CD82: variants seen among roughly 807,000 people sequenced by gnomAD.
The protein encoded by CD82 is CD82 molecule.
A neutral mutation model predicts 37.4 loss-of-function variants in CD82; 36 were observed. The observed-to-expected ratio is 0.96, with a 90% CI of 0.74 to 1.27. CD82 has a LOEUF of 1.27. Among genes scored for constraint, CD82 ranks in the 50% most tolerant of loss-of-function variants. The probability of loss-of-function intolerance (pLI) is 0.00; values close to 1 mark genes in which losing one functional copy is unlikely to be tolerated. For missense variants in CD82, 340 were observed against 347.0 expected, an observed-to-expected ratio of 0.98 and a Z score of 0.16; for synonymous variants, 158 against 137.4, an observed-to-expected ratio of 1.15 and a Z score of -1.05.
intron 2 of CD82, among the ~76,000 whole-genome samples, chr11:44,591,982 G>A (rs1853152061): frequency 1.3e-5 from 2 of 152,036 alleles, no homozygotes; most frequent in South Asian, 4.1e-4. Context: ...CCCACGCCTG[G>A]CTAATTTTGT....
At chr11:44,596,199 G>A (rs4076854) in intron 3 of CD82, among the ~76,000 whole-genome samples, 18,705 of 152,284 alleles carry the variant, frequency 0.12, 2,084 homozygotes, top group East Asian at 0.5. Flanking sequence ...CCAGCTTGGC[G>A]GTCAGGTCTC....
At chr11:44,572,547 C>A (rs1005975927) in intron 1 of CD82, among the ~76,000 whole-genome samples, 2 of 152,204 alleles carry the variant, frequency 1.3e-5, no homozygotes, top group African/African-American at 4.8e-5. Context: ...ATCAATTTGA[C>A]AAGCCTCAGA....
At position 44,619,116 on chromosome 11, in the gene CD82, C is replaced by T. The variant is rs201671713; in HGVS notation, c.794C>T (p.Pro265Leu). The T allele has an allele frequency of 1.6e-4, 252 of 1,613,390 alleles. No homozygotes were observed. Among genetic ancestry groups the T allele is most frequent in the Non-Finnish European group, 2.0e-4 (233 of 1,179,674 alleles). Residue 265 changes from proline (P) to leucine (L), a missense_variant, in exon 10 of 10, where the codon CCC becomes CTC. Physicochemically the swap from Pro to Leu is moderately conservative, Grantham distance 98 (BLOSUM62 -3). Transcript: ENST00000227155. Reference sequence around the variant, plus strand: ...CATTCCGAAGACTACAGCAAGGTCCCCAAGTACTGAGGCAGCTGCTATCCC... The same window carrying T: ...CATTCCGAAGACTACAGCAAGGTCCTCAAGTACTGAGGCAGCTGCTATCCC... ...HVHSEDYSKVPKY is the reference protein window; with the variant it reads ...HVHSEDYSKVLKY
At chr11:44,613,836 A>AGG (rs1853521467) in intron 6 of CD82, among the ~76,000 whole-genome samples, 1 of 111,350 alleles carries the variant, frequency 9.0e-6, no homozygotes, top group Admixed American at 1.0e-4. Flanking sequence ...AACAAAACAA[A>AGG]GCAAAACAAA....
chr11:44,618,371 CG>C lies in CD82; in HGVS notation c.642+12del, dbSNP rs770456768. On this transcript the variant is annotated splice_region_variant and intron_variant, in intron 8 of 9. Coordinates refer to ENST00000227155, the MANE Select transcript of CD82 (RefSeq NM_002231.4). Reference sequence around the variant, plus strand: ...ACTGGCCTGTGTACCAGGAGGTGTGCGGGGGGCTGCGGATCGGGGGCGGGGC... The same window carrying C: ...ACTGGCCTGTGTACCAGGAGGTGTGCGGGGGCTGCGGATCGGGGGCGGGGC... The C allele has an allele frequency of 6.2e-7, 1 of 1,610,754 alleles. No individual in the cohort carries two copies. Among genetic ancestry groups the C allele is most frequent in the East Asian group, 2.2e-5 (1 of 44,838 alleles).
At chr11:44,578,684 C>T (rs963102681) in intron 1 of CD82, among the ~76,000 whole-genome samples, 5 of 152,204 alleles carry the variant, frequency 3.3e-5, no homozygotes, top group Non-Finnish European at 7.3e-5. Flanking sequence ...ATGTCAAATT[C>T]TTGGCTAAAT....
Position 44,619,140 on chromosome 11 carries a change from C to T in CD82, c.*14C>T. 6.2e-7 allele frequency: 1 copy of T among 1,607,306 alleles called. No homozygotes were observed. The highest frequency in any genetic ancestry group is 8.5e-7 in the Non-Finnish European group (1 of 1,173,966). ...CCCAAGTACTGAGGCAGCTGCTATCCCCATCTCCCTGCCTGGCCCCCAACC... is the reference window on the plus strand; with the variant it reads ...CCCAAGTACTGAGGCAGCTGCTATCTCCATCTCCCTGCCTGGCCCCCAACC... On this transcript the variant is annotated 3_prime_UTR_variant, in exon 10 of 10. Coordinates refer to ENST00000227155, the MANE Select transcript of CD82 (RefSeq NM_002231.4).
At position 44,619,107 on chromosome 11, in the gene CD82, G is replaced by A; in HGVS notation, c.785G>A (p.Ser262Asn). Residue 262 changes from serine (S) to asparagine (N), a missense_variant, in exon 10 of 10, where the codon AGC becomes AAC. Physicochemically the swap from Ser to Asn is conservative, Grantham distance 46. Transcript: ENST00000227155. Reference sequence around the variant, plus strand: ...CGGCACGTCCATTCCGAAGACTACAGCAAGGTCCCCAAGTACTGAGGCAGC... The same window carrying A: ...CGGCACGTCCATTCCGAAGACTACAACAAGGTCCCCAAGTACTGAGGCAGC... ...LCRHVHSEDY[S>N]KVPKY The A allele has an allele frequency of 6.2e-7, 1 of 1,613,534 alleles. No homozygotes were observed. The highest frequency in any genetic ancestry group is 8.5e-7 in the Non-Finnish European group (1 of 1,179,794).
chr11:44,585,301 C>A lies in CD82; in HGVS notation c.-102-2174C>A, dbSNP rs556856177. The stretch of plus-strand genomic sequence containing the variant: ...TCATCATCATCATCATAGTTGGTAA[C>A]ATTTATCTGACATTTACTGGGTGCC... On this transcript the variant is annotated intron_variant, in intron 1 of 9. Transcript: ENST00000227155. 203 of 456,296 alleles carry A rather than the reference C, an allele frequency of 4.4e-4. 1 individual carries two copies. In the Admixed American group the frequency reaches 4.7e-3, roughly 11 times the overall value. The allele number at this position is 456,296 out of a possible 1,614,324, so 28.3% of individuals were successfully genotyped here. A position where few individuals can be genotyped will look rare whatever the true frequency, so the allele number is the denominator to read the frequency against.
chr11:44,588,784 G>A lies in CD82; in HGVS notation c.-21+1228G>A, dbSNP rs192365347. On this transcript the variant is annotated intron_variant, in intron 2 of 9. Transcript: ENST00000227155. ...AGTGATGAAAAAGCTGGCTGGAGTAGGAAGTTTCCTGGAGGTGGTGATTTT... is the reference window on the plus strand; with the variant it reads ...AGTGATGAAAAAGCTGGCTGGAGTAAGAAGTTTCCTGGAGGTGGTGATTTT... Among the ~76,000 whole-genome samples, 11 of 152,316 alleles carry A rather than the reference G, an allele frequency of 7.2e-5. No individual in the cohort carries two copies. In the East Asian group the frequency reaches 2.1e-3, roughly 29 times the overall value.
intron 2 of CD82, among the ~76,000 whole-genome samples, chr11:44,592,597 T>C (rs1019245567): frequency 2.0e-5 from 3 of 152,004 alleles, no homozygotes; most frequent in Admixed American, 6.6e-5. Context: ...TGCTGGGAGG[T>C]GAGAGAGAGG....
intron 4 of CD82, chr11:44,604,346 A>C (rs1853357191): frequency 6.4e-6 from 1 of 155,898 alleles, no homozygotes; most frequent in Admixed American, 6.1e-5. Context: ...AGAGTGTGGC[A>C]CTGGAGATTT....
At chr11:44,581,946 AC>A (rs1157405688) in intron 1 of CD82, among the ~76,000 whole-genome samples, 1 of 151,968 alleles carries the variant, frequency 6.6e-6, no homozygotes, top group Admixed American at 6.6e-5. Flanking sequence ...GCCTGGCCCC[AC>A]CCCCGGATGC....
Position 44,593,130 on chromosome 11 carries a change from G to T in CD82, c.-20-1513G>T, listed in dbSNP as rs1210464185. 2.2e-4 allele frequency among the ~76,000 whole-genome samples: 34 copies of T among 152,240 alleles called. 2 individuals are homozygous for T. The highest frequency in any genetic ancestry group is 2.0e-3 in the Admixed American group (31 of 15,290). ...CGGAGGTGTGTGAAGTGGAAGCTGA[G>T]CTCCCACTTGACAAGGAGGATGGAA... On this transcript the variant is annotated intron_variant, in intron 2 of 9. Transcript: ENST00000227155.
At chr11:44,593,416 G>A (rs1009512701) in intron 2 of CD82, among the ~76,000 whole-genome samples, 6 of 152,202 alleles carry the variant, frequency 3.9e-5, no homozygotes, top group African/African-American at 9.7e-5. Context: ...CCAGCTGCCC[G>A]GCGGTGCTGG....
At chr11:44,606,876 C>T (rs1853405206) in intron 6 of CD82, 1 of 152,324 alleles carries the variant, frequency 6.6e-6, no homozygotes, top group Non-Finnish European at 1.5e-5. Flanking sequence ...GACCACGTTA[C>T]ACTCCTCCTC....
intron 1 of CD82, among the ~76,000 whole-genome samples, chr11:44,581,237 C>A (rs1852974687): frequency 6.6e-6 from 1 of 152,202 alleles, no homozygotes; most frequent in Non-Finnish European, 1.5e-5. Context: ...GACAGTAAAG[C>A]TCAGGGGCTC....
At chr11:44,595,562 G>A (rs11038076) in intron 3 of CD82, among the ~76,000 whole-genome samples, 5,847 of 152,180 alleles carry the variant, frequency 0.038, 148 homozygotes, top group Middle Eastern at 0.11. Flanking sequence ...TTAAATGTAC[G>A]TATTCATTAA....
At chr11:44,587,014 G>A (rs952280465) in intron 1 of CD82, among the ~76,000 whole-genome samples, 2 of 152,156 alleles carry the variant, frequency 1.3e-5, no homozygotes, top group African/African-American at 2.4e-5. Flanking sequence ...ATGTCAACTC[G>A]GGCTGCTTCT....
Sources: allele counts gnomAD v4.1 joint callset (sites outside exome capture counted in the v4.1 genomes callset), GRCh38; gene constraint gnomAD v4.1.1; transcripts MANE v1.5; gene names NCBI Gene and HGNC (gene_info 2026-07-23, HGNC 2026-07-21).